FBN1: variants seen among roughly 807,000 people sequenced by gnomAD.
FBN1 encodes the protein fibrillin-1.
FBN1 carries 29 observed loss-of-function variants against 365.1 expected under a neutral mutation model. That is an observed-to-expected ratio of 0.08 (90% CI 0.06 to 0.11). The LOEUF is 0.11. Ranked by LOEUF, FBN1 falls within the 10% of genes least tolerant of loss-of-function variation. FBN1 has a pLI of 1.00. For missense variants in FBN1, 2,476 were observed against 3,703.2 expected (o/e 0.67, Z 8.60); for synonymous variants, 1,210 against 1,270.5 (o/e 0.95, Z 1.01).
At chr15:48,478,129 A>T (rs2043436447) in intron 32 of FBN1, among the ~76,000 whole-genome samples, 1 of 152,224 alleles carries the variant, frequency 6.6e-6, no homozygotes, top group Non-Finnish European at 1.5e-5. Flanking sequence ...TTGATTAGGC[A>T]TTGAGGAAGA....
At chr15:48,548,429 T>A (rs755723646) in intron 6 of FBN1, among the ~76,000 whole-genome samples, 17 of 152,236 alleles carry the variant, frequency 1.1e-4, no homozygotes, top group Non-Finnish European at 1.9e-4. Context: ...CATGGGCAGA[T>A]AGGCCACTCT....
At chr15:48,573,018 G>C (rs975489917) in intron 6 of FBN1, among the ~76,000 whole-genome samples, 1 of 152,148 alleles carries the variant, frequency 6.6e-6, no homozygotes, top group Non-Finnish European at 1.5e-5. Flanking sequence ...TGGTTCTGCA[G>C]ATAAATGAAG....
chr15:48,437,447 C>T, intron 51 of FBN1, 60 bp from the exon 52 acceptor site: 4 of 1,442,574 alleles, frequency 2.8e-6, no homozygotes, highest in East Asian at 2.3e-5. Flanking sequence ...AGCTTCTCCA[C>T]AAGTATTTTG....
intron 2 of FBN1, among the ~76,000 whole-genome samples, chr15:48,614,745 G>T (rs180977310): frequency 6.6e-6 from 1 of 152,168 alleles, no homozygotes; most frequent in East Asian, 1.9e-4. Context: ...GTGTACAATG[G>T]CACAATGAAA....
chr15:48,515,615 A>T, intron 11 of FBN1, 88 bp from the exon 12 acceptor site: 1 of 1,545,200 alleles, frequency 6.5e-7, no homozygotes, highest in Non-Finnish European at 8.9e-7. Flanking sequence ...CAAGATGTTG[A>T]ATCAGAAAGG....
chr15:48,452,649 G>A lies in FBN1; in HGVS notation c.5458C>T (p.Arg1820Cys). 6 of 1,614,110 alleles carry A rather than the reference G, an allele frequency of 3.7e-6. No individual in the cohort carries two copies. The highest frequency in any genetic ancestry group is 5.1e-6 in the Non-Finnish European group (6 of 1,179,962). Residue 1820 changes from arginine (R) to cysteine (C), a missense_variant, in exon 45 of 66, where the codon CGC becomes TGC. Physicochemically the swap from Arg to Cys is radical, Grantham distance 180. This residue lies in a region of FBN1 where 1,780 missense variants were observed against 2,840.8 expected (regional missense o/e 0.63). Coordinates refer to ENST00000316623, the MANE Select transcript of FBN1 (RefSeq NM_000138.5). ...DECQNGPVCQ[R>C]NAECINTAGS... Reference sequence around the variant, plus strand: ...GCAGTGTTGATGCATTCGGCGTTGCGCTGGCACACTGGGCCGTTCTGACAC... The same window carrying A: ...GCAGTGTTGATGCATTCGGCGTTGCACTGGCACACTGGGCCGTTCTGACAC...
Position 48,488,386 on chromosome 15 carries a change from C to T in FBN1, c.3190G>A (p.Glu1064Lys). The T allele has an allele frequency of 6.2e-7, 1 of 1,614,238 alleles. No homozygotes were observed. The highest frequency in any genetic ancestry group is 8.5e-7 in the Non-Finnish European group (1 of 1,180,050). The change falls in exon 26 of 66, where the codon GAA becomes AAA. Residue 1064 changes from glutamate to lysine, a missense_variant. By Grantham distance (56) the Glu-to-Lys change is moderately conservative (BLOSUM62 1). Coordinates refer to ENST00000316623, the MANE Select transcript of FBN1 (RefSeq NM_000138.5). ...AACTGACCTGTGCAGTTCCTTTCTT[C>T]AGAATCAAGAGCAAAGCCGCTGTCA... ...RCDSGFALDS[E>K]ERNCTDIDEC...
Position 48,604,411 on chromosome 15 carries a change from T to C in FBN1, c.347-4177A>G, listed in dbSNP as rs555980777. ...CTGAGACAAGAGTCCACAGGGACAATCAGAGTCACTGCAGGATAAAAACAA... is the reference window on the plus strand; with the variant it reads ...CTGAGACAAGAGTCCACAGGGACAACCAGAGTCACTGCAGGATAAAAACAA... On this transcript the variant is annotated intron_variant, in intron 4 of 65. Transcript: ENST00000316623. 3.9e-5 allele frequency among the ~76,000 whole-genome samples: 6 copies of C among 152,210 alleles called. No homozygotes were observed. In the South Asian group the frequency reaches 1.2e-3, roughly 32 times the overall value.
At chr15:48,441,239 T>A (rs2043112264) in intron 50 of FBN1, among the ~76,000 whole-genome samples, 1 of 152,210 alleles carries the variant, frequency 6.6e-6, no homozygotes, top group African/African-American at 2.4e-5. Context: ...GCAAGAATCC[T>A]GATCAGTTTA....
intron 64 of FBN1, 79 bp downstream of exon 64, chr15:48,415,457 G>A: frequency 3.7e-6 from 4 of 1,093,948 alleles, no homozygotes; most frequent in Non-Finnish European, 5.6e-6. Context: ...TGCTAGGACA[G>A]GTAATTTTGA....
At chr15:48,448,455 G>C (rs971826344) in intron 46 of FBN1, among the ~76,000 whole-genome samples, 1 of 151,982 alleles carries the variant, frequency 6.6e-6, no homozygotes, top group South Asian at 2.1e-4. Flanking sequence ...AAACTCAAAA[G>C]AAAATCCACA....
chr15:48,532,580 G>C (rs968636193), intron 8 of FBN1, among the ~76,000 whole-genome samples: 4 of 151,870 alleles, frequency 2.6e-5, no homozygotes, highest in Non-Finnish European at 5.9e-5. Context: ...AGAGGACAAT[G>C]TAATATGGCT....
At chr15:48,411,403 T>C (rs963895585) in intron 65 of FBN1, 24 bp from the exon 66 acceptor site, 3 of 1,608,782 alleles carry the variant, frequency 1.9e-6, no homozygotes, top group Non-Finnish European at 2.6e-6. Context: ...TGGCAATATG[T>C]TAAATACAAT....
intron 2 of FBN1, among the ~76,000 whole-genome samples, chr15:48,623,412 T>A (rs1287567366): frequency 2.6e-5 from 4 of 152,242 alleles, no homozygotes; most frequent in Non-Finnish European, 5.9e-5. Context: ...CTTATTCTGA[T>A]CAGTGAAGTT....
At chr15:48,575,627 C>T (rs1943107496) in intron 6 of FBN1, among the ~76,000 whole-genome samples, 1 of 152,118 alleles carries the variant, frequency 6.6e-6, no homozygotes, top group South Asian at 2.1e-4. Flanking sequence ...CTGCGGAAAA[C>T]AGTATGGACA....
At chr15:48,467,836 T>C (rs1251258558) in intron 38 of FBN1, 102 bp downstream of exon 38, 1 of 1,082,230 alleles carries the variant, frequency 9.2e-7, no homozygotes, top group Non-Finnish European at 1.4e-6. Context: ...AGAGGACTGA[T>C]CTTTCTTCTC....
In FBN1 at chr15:48,411,319, T is replaced by C. The variant is rs775172479; in HGVS notation, c.8287A>G (p.Ile2763Val). 4.3e-6 allele frequency: 7 copies of C among 1,614,136 alleles called. No individual in the cohort carries two copies. Among genetic ancestry groups the C allele is most frequent in the South Asian group, 2.2e-5 (2 of 91,084 alleles). ...ACGTGGGAAATATTGAAAGCAAAGA[T>C]GGCTGTCTTCTCAACATCCCAACTT... ...LASWDVEKTA[I>V]FAFNISHVSN... The change falls in exon 66 of 66, where the codon ATC (isoleucine) becomes GTC (valine). Residue 2763 changes from isoleucine (I) to valine (V), a missense_variant. Physicochemically the swap from Ile to Val is conservative, Grantham distance 29. This residue lies in a region of FBN1 where 177 missense variants were observed against 192.7 expected (regional missense o/e 0.92). Coordinates refer to ENST00000316623, the MANE Select transcript of FBN1 (RefSeq NM_000138.5).
chr15:48,577,575 A>G (rs1192211097), intron 6 of FBN1, among the ~76,000 whole-genome samples: 3 of 152,030 alleles, frequency 2.0e-5, no homozygotes, highest in Non-Finnish European at 4.4e-5. Context: ...ATGCTCTGGC[A>G]TTTTCACAAT....
chr15:48,512,609 T>C (rs2043769577), intron 13 of FBN1, among the ~76,000 whole-genome samples: 2 of 152,182 alleles, frequency 1.3e-5, no homozygotes, highest in African/African-American at 4.8e-5. Flanking sequence ...GTTTACTAAT[T>C]ATAATGACCT....
Sources: gnomAD v4.1 joint callset for allele counts (sites outside exome capture counted in the v4.1 genomes callset) on GRCh38, gnomAD v4.1.1 for gene constraint, gnomAD v4.1.1 regional missense constraint, MANE v1.5 for transcripts, NCBI Gene and HGNC (gene_info 2026-07-23, HGNC 2026-07-21) for gene names.